Variants in ZC3H12B observed in about 807,000 individuals in gnomAD.
ZC3H12B encodes the protein probable ribonuclease ZC3H12B.
In ZC3H12B, 7 loss-of-function variants were observed where a neutral mutation model predicts 43.9. The ratio of observed to expected loss-of-function variants is 0.16; its 90% CI spans 0.09 to 0.30. The LOEUF (loss-of-function observed/expected upper bound fraction) is 0.30, where lower values mean the gene tolerates loss of function less well. ZC3H12B is among the 10% of genes least tolerant of loss of function. ZC3H12B has a pLI of 1.00. For synonymous variants in ZC3H12B, 222 were observed against 241.7 expected (o/e 0.92, Z 0.76); for missense variants, 475 against 670.2 (o/e 0.71, Z 3.22).
intron 1 of ZC3H12B, 95 bp from the exon 7 acceptor site, chrX:65,497,037 T>C (rs1410386308): frequency 6.0e-6 from 4 of 670,352 alleles, no homozygotes; most frequent in Non-Finnish European, 4.3e-6. Flanking sequence ...TAAATGTCTA[T>C]TATTAATACC....
At chrX:65,387,929 G>C (rs1234156819) in intron 2 of ZC3H12B, among the ~76,000 whole-genome samples, 2 of 112,027 alleles carry the variant, frequency 1.8e-5, no homozygotes, top group Non-Finnish European at 3.8e-5. Context: ...TGAAATTCTG[G>C]GTTGAAAATT....
chrX:65,439,561 A>G (rs1048851493), intron 3 of ZC3H12B, among the ~76,000 whole-genome samples: 2 of 112,012 alleles, frequency 1.8e-5, no homozygotes, highest in African/African-American at 3.2e-5. Context: ...TGAGGGCAGT[A>G]TGCCTCAATT....
At chrX:65,282,712 A>G in the ZC3H12B span, among the ~76,000 whole-genome samples, 1 of 112,044 alleles carries the variant, frequency 8.9e-6, no homozygotes, top group South Asian at 3.7e-4. Flanking sequence ...AAAATAAACT[A>G]GAAAATGTAT....
chrX:65,484,470 G>A (rs2068101026), upstream of ZC3H12B, among the ~76,000 whole-genome samples: 1 of 111,894 alleles, frequency 8.9e-6, no homozygotes, highest in Non-Finnish European at 1.9e-5. Flanking sequence ...TCAATTATCT[G>A]GGCCCACCAG....
chrX:65,169,985 C>G, the ZC3H12B span, among the ~76,000 whole-genome samples: 1 of 111,899 alleles, frequency 8.9e-6, no homozygotes, highest in African/African-American at 3.2e-5. Flanking sequence ...GACTCTTTAT[C>G]CAATTTGCCA....
chrX:65,417,812 C>T (rs952756018), intron 3 of ZC3H12B, among the ~76,000 whole-genome samples: 1 of 112,901 alleles, frequency 8.9e-6, no homozygotes, highest in African/African-American at 3.2e-5. Context: ...GACTCTGAGA[C>T]AGACCTTGGT....
chrX:65,136,953 G>A, the ZC3H12B span, among the ~76,000 whole-genome samples: 2 of 111,879 alleles, frequency 1.8e-5, no homozygotes, highest in African/African-American at 6.5e-5. Flanking sequence ...TAAAGTGCAT[G>A]TGATTGTCTT....
chrX:65,249,216 CTTATA>C, the ZC3H12B span, among the ~76,000 whole-genome samples: 1 of 111,857 alleles, frequency 8.9e-6, no homozygotes, highest in African/African-American at 3.3e-5. Context: ...AGTTTCATGT[CTTATA>C]TTAAAGTCTT....
chrX:65,156,297 C>T, the ZC3H12B span, among the ~76,000 whole-genome samples: 10 of 111,462 alleles, frequency 9.0e-5, no homozygotes, highest in South Asian at 1.5e-3. Flanking sequence ...AATTCCCAGG[C>T]TAAACTGATC....
At chrX:65,096,454 A>G in the ZC3H12B span, among the ~76,000 whole-genome samples, 12 of 112,310 alleles carry the variant, frequency 1.1e-4, no homozygotes, top group East Asian at 3.4e-3. Flanking sequence ...TAGATTAGTA[A>G]TGTAAGCAGA....
the ZC3H12B span, among the ~76,000 whole-genome samples, chrX:65,125,601 G>T: frequency 9.0e-6 from 1 of 110,939 alleles, no homozygotes; most frequent in South Asian, 3.7e-4. Context: ...TTATTGTGTT[G>T]CCATCTATCT....
the ZC3H12B span, among the ~76,000 whole-genome samples, chrX:65,227,014 A>G: frequency 3.6e-5 from 4 of 110,822 alleles, no homozygotes; most frequent in East Asian, 2.8e-4. Flanking sequence ...ATTGAACTCA[A>G]CTCTGCACCA....
At chrX:65,267,469 A>G in the ZC3H12B span, among the ~76,000 whole-genome samples, 1 of 110,148 alleles carries the variant, frequency 9.1e-6, no homozygotes, top group East Asian at 2.9e-4. Flanking sequence ...ATGAAGAAGT[A>G]TGCAAAAAAA....
chrX:65,142,603 T>C, the ZC3H12B span, among the ~76,000 whole-genome samples: 4 of 112,691 alleles, frequency 3.5e-5, no homozygotes, highest in Admixed American at 2.8e-4. Flanking sequence ...GTTTTTCCAA[T>C]GCTATCTTCC....
chrX:65,457,055 G>T (rs1255907011), intron 3 of ZC3H12B, among the ~76,000 whole-genome samples: 2 of 94,382 alleles, frequency 2.1e-5, no homozygotes, highest in African/African-American at 7.9e-5. Context: ...CTGCCCGGCC[G>T]CCCATCGTCT....
chrX:65,178,970 G>C, the ZC3H12B span, among the ~76,000 whole-genome samples: 40 of 112,185 alleles, frequency 3.6e-4, no homozygotes, highest in African/African-American at 1.2e-3. Context: ...TACGTTTATT[G>C]CAGCACTATT....
chrX:65,051,604 A>G, the ZC3H12B span, among the ~76,000 whole-genome samples: 6 of 111,986 alleles, frequency 5.4e-5, no homozygotes, highest in Non-Finnish European at 3.8e-5. Flanking sequence ...TCCTCCAAAC[A>G]TCCAAATAAG....
At chrX:65,195,117 G>A in the ZC3H12B span, among the ~76,000 whole-genome samples, 21 of 106,797 alleles carry the variant, frequency 2.0e-4, no homozygotes, top group Non-Finnish European at 3.3e-4. Flanking sequence ...AATGCATTCA[G>A]CCACTCTGTC....
chrX:65,094,784 A>G, the ZC3H12B span, among the ~76,000 whole-genome samples: 1 of 112,327 alleles, frequency 8.9e-6, no homozygotes. Context: ...GTCATTTAAT[A>G]TTCTTTGTGA....
Sources: gnomAD v4.1 joint callset for allele counts (sites outside exome capture counted in the v4.1 genomes callset) on GRCh38, gnomAD v4.1.1 for gene constraint, MANE v1.5 for transcripts, NCBI Gene and HGNC (gene_info 2026-07-23, HGNC 2026-07-21) for gene names.